Variants in ZMAT4 observed in about 807,000 individuals in gnomAD.
ZMAT4 encodes zinc finger matrin-type 4.
ZMAT4 carries 17 observed loss-of-function variants against 28.7 expected under a neutral mutation model. The ratio of observed to expected loss-of-function variants is 0.59; its 90% CI spans 0.41 to 0.89. The LOEUF (loss-of-function observed/expected upper bound fraction) is 0.89, where lower values mean the gene tolerates loss of function less well. Among genes scored for constraint, ZMAT4 ranks in the 40% least tolerant of loss-of-function variants. The probability of loss-of-function intolerance (pLI) is 0.00; values close to 1 mark genes in which losing one functional copy is unlikely to be tolerated. For synonymous variants in ZMAT4, 117 were observed against 109.2 expected, an observed-to-expected ratio of 1.07 and a Z score of -0.44; for missense variants, 240 against 283.8, an observed-to-expected ratio of 0.85 and a Z score of 1.11.
chr8:40,710,483 CAT>C (rs1810560452), intron 3 of ZMAT4, among the ~76,000 whole-genome samples: 1 of 152,082 alleles, frequency 6.6e-6, no homozygotes, highest in Admixed American at 6.5e-5. Flanking sequence ...ATCATATAAA[CAT>C]ATATGTTTCT....
chr8:40,672,106 A>C (rs1349900717), intron 5 of ZMAT4, among the ~76,000 whole-genome samples: 1 of 152,218 alleles, frequency 6.6e-6, no homozygotes, highest in Non-Finnish European at 1.5e-5. Context: ...TACAAAAAAA[A>C]GTAAGTAAAC....
intron 5 of ZMAT4, among the ~76,000 whole-genome samples, chr8:40,618,674 G>T (rs1162601450): frequency 7.8e-6 from 1 of 128,040 alleles, no homozygotes; most frequent in Non-Finnish European, 1.7e-5. Context: ...AAAAAAAAAA[G>T]AAATGACTGG....
At chr8:40,642,156 A>T (rs1807060778) in intron 5 of ZMAT4, among the ~76,000 whole-genome samples, 2 of 152,192 alleles carry the variant, frequency 1.3e-5, no homozygotes, top group African/African-American at 4.8e-5. Context: ...AGTATGTCCC[A>T]AATACCTGCA....
chr8:40,564,200 A>T (rs1455444956), intron 6 of ZMAT4, among the ~76,000 whole-genome samples: 3 of 152,232 alleles, frequency 2.0e-5, no homozygotes, highest in Non-Finnish European at 4.4e-5. Context: ...CCTCATGGAC[A>T]AACTTACCAT....
At chr8:40,819,705 G>A (rs1815678845) in intron 2 of ZMAT4, among the ~76,000 whole-genome samples, 1 of 152,034 alleles carries the variant, frequency 6.6e-6, no homozygotes, top group Admixed American at 6.6e-5. Context: ...TCACAGGAAG[G>A]GACAAGCAAC....
At chr8:40,842,675 C>T (rs1816744276) in intron 1 of ZMAT4, among the ~76,000 whole-genome samples, 1 of 152,172 alleles carries the variant, frequency 6.6e-6, no homozygotes, top group South Asian at 2.1e-4. Flanking sequence ...TCACTTAATT[C>T]CACTTTGAAT....
intron 5 of ZMAT4, among the ~76,000 whole-genome samples, chr8:40,673,419 C>A (rs945331155): frequency 1.3e-5 from 2 of 152,124 alleles, no homozygotes; most frequent in Non-Finnish European, 2.9e-5. Context: ...GAATTGTAGG[C>A]TCTGTATGCA....
chr8:40,560,141 G>A (rs188291110), intron 6 of ZMAT4, among the ~76,000 whole-genome samples: 29 of 151,760 alleles, frequency 1.9e-4, no homozygotes, highest in African/African-American at 7.0e-4. Flanking sequence ...GCTCAAGCTA[G>A]TCACACAGTG....
chr8:40,704,480 G>T lies in ZMAT4; in HGVS notation c.193-7079C>A, dbSNP rs572307597. On this transcript the variant is annotated intron_variant, in intron 3 of 6. Coordinates refer to ENST00000297737, the MANE Select transcript of ZMAT4 (RefSeq NM_024645.3). The stretch of plus-strand genomic sequence containing the variant: ...AAATTTCATCCACATCTTCCTTCCT[G>T]ACCTCTCCCAGTCCTTAACATCCTT... Among the ~76,000 whole-genome samples the T allele has an allele frequency of 2.0e-5, 3 of 152,226 alleles. No homozygotes were observed. The South Asian group carries it at 6.2e-4, about 32-fold the overall frequency.
chr8:40,598,145 T>A (rs555515283), intron 5 of ZMAT4, among the ~76,000 whole-genome samples: 2 of 152,358 alleles, frequency 1.3e-5, no homozygotes, highest in African/African-American at 4.8e-5. Flanking sequence ...ATGTGAGTGA[T>A]ATGCTTTCTT....
chr8:40,827,887 A>G (rs1000550245), intron 1 of ZMAT4, among the ~76,000 whole-genome samples: 17 of 152,196 alleles, frequency 1.1e-4, no homozygotes, highest in African/African-American at 3.9e-4. Flanking sequence ...CGTAGTTTTC[A>G]TTCAGTGATT....
At chr8:40,825,501 C>T (rs1379832936) in intron 2 of ZMAT4, 74 bp downstream of exon 2, 1 of 1,275,376 alleles carries the variant, frequency 7.8e-7, no homozygotes, top group Non-Finnish European at 1.1e-6. Context: ...GAAGGAGGAT[C>T]CTGGAGTCCT....
intron 3 of ZMAT4, among the ~76,000 whole-genome samples, chr8:40,735,515 T>C (rs1811726089): frequency 6.6e-6 from 1 of 152,170 alleles, no homozygotes; most frequent in Non-Finnish European, 1.5e-5. Context: ...CCAGATTTTT[T>C]TAAAAGCATT....
intron 3 of ZMAT4, among the ~76,000 whole-genome samples, chr8:40,732,165 G>C (rs1283842657): frequency 2.0e-5 from 3 of 152,074 alleles, no homozygotes; most frequent in Admixed American, 6.5e-5. Flanking sequence ...ACAACACTGT[G>C]AATGTATTTA....
At chr8:40,682,108 G>C (rs1217761951) in intron 4 of ZMAT4, among the ~76,000 whole-genome samples, 1 of 152,110 alleles carries the variant, frequency 6.6e-6, no homozygotes, top group Non-Finnish European at 1.5e-5. Flanking sequence ...GTGTTTCTGA[G>C]TTGTGGAATA....
Position 40,664,304 on chromosome 8 carries a change from G to A in ZMAT4, c.577+10400C>T, listed in dbSNP as rs188266617. Among the ~76,000 whole-genome samples, 195 of 152,216 alleles carry A rather than the reference G, an allele frequency of 1.3e-3. 1 individual carries two copies. The Middle Eastern group carries it at 0.034, about 27-fold the overall frequency. On this transcript the variant is annotated intron_variant, in intron 5 of 6. Coordinates refer to ENST00000297737, the MANE Select transcript of ZMAT4 (RefSeq NM_024645.3). Reference sequence around the variant, plus strand: ...AGGAGAGGCCCACAAGGAGACAAAGGCCTCTCACCAATAAGCCAGGTGTGT... The same window carrying A: ...AGGAGAGGCCCACAAGGAGACAAAGACCTCTCACCAATAAGCCAGGTGTGT...
At chr8:40,619,792 C>T (rs1265495513) in intron 5 of ZMAT4, among the ~76,000 whole-genome samples, 1 of 152,110 alleles carries the variant, frequency 6.6e-6, no homozygotes, top group African/African-American at 2.4e-5. Context: ...TTCGACAATC[C>T]CCTGAGTAAG....
At chr8:40,797,136 A>C (rs1814632398) in intron 2 of ZMAT4, among the ~76,000 whole-genome samples, 1 of 151,938 alleles carries the variant, frequency 6.6e-6, no homozygotes, top group South Asian at 2.1e-4. Context: ...TTGTCTAACC[A>C]CTGAACCCTC....
chr8:40,893,031 C>A (rs1358726196), intron 1 of ZMAT4, among the ~76,000 whole-genome samples: 1 of 152,180 alleles, frequency 6.6e-6, no homozygotes, highest in Non-Finnish European at 1.5e-5. Flanking sequence ...TTCCTCATAC[C>A]TAATCTAAGT....
Sources: allele counts gnomAD v4.1 joint callset (sites outside exome capture counted in the v4.1 genomes callset), GRCh38; gene constraint gnomAD v4.1.1; transcripts MANE v1.5; gene names NCBI Gene and HGNC (gene_info 2026-07-23, HGNC 2026-07-21).